The following TET2 variants were observed in gnomAD, a reference collection of about 807,000 sequenced individuals.
TET2 encodes methylcytosine dioxygenase TET2.
A neutral mutation model predicts 142.9 loss-of-function variants in TET2; 299 were observed. The ratio of observed to expected loss-of-function variants is 2.09; its 90% CI spans 1.90 to 2.30. TET2 has a LOEUF of 2.30. Among genes scored for constraint, TET2 ranks in the 30% most tolerant of loss-of-function variants. TET2 has a pLI of 0.00. For synonymous variants in TET2, 819 were observed against 849.0 expected (o/e 0.96, Z 0.61); for missense variants, 2,418 against 2,378.0 (o/e 1.02, Z -0.35).
At chr4:105,257,042 G>A (rs1412100928) in intron 6 of TET2, among the ~76,000 whole-genome samples, 2 of 152,126 alleles carry the variant, frequency 1.3e-5, no homozygotes, top group Non-Finnish European at 2.9e-5. Flanking sequence ...TCTTTGTCCA[G>A]TGGCCTAACA....
chr4:105,186,601 A>G lies in TET2; in HGVS notation c.-192-3759A>G, dbSNP rs376548719. Among the ~76,000 whole-genome samples, 14 of 149,716 alleles carry G rather than the reference A, an allele frequency of 9.4e-5. No individual in the cohort carries two copies. In the South Asian group the frequency reaches 1.5e-3, roughly 16 times the overall value. ...ATTCTCCCGCCTCAGCCTCCCCAGT[A>G]GCTGGGACTACAGGCTTGCACCACC... On this transcript the variant is annotated intron_variant, in intron 1 of 10. Coordinates refer to ENST00000380013, the MANE Select transcript of TET2 (RefSeq NM_001127208.3).
intron 1 of TET2, among the ~76,000 whole-genome samples, chr4:105,161,973 C>T (rs755968730): frequency 6.6e-6 from 1 of 151,992 alleles, no homozygotes; most frequent in Non-Finnish European, 1.5e-5. Context: ...AAGCTGAATC[C>T]TCTTTGGTAG....
chr4:105,247,271 A>G (rs1187063540), intron 6 of TET2, among the ~76,000 whole-genome samples: 4 of 152,216 alleles, frequency 2.6e-5, no homozygotes, highest in Non-Finnish European at 5.9e-5. Flanking sequence ...ATGTATTTCT[A>G]ACAGGTAAAG....
chr4:105,209,868 G>A (rs949681), intron 2 of TET2, among the ~76,000 whole-genome samples: 6,067 of 152,168 alleles, frequency 0.04, 266 homozygotes, highest in East Asian at 0.19. Context: ...TTAGAGACAA[G>A]AAGTTCATTC....
chr4:105,229,100 G>T (rs1728344650), intron 2 of TET2, among the ~76,000 whole-genome samples: 1 of 151,930 alleles, frequency 6.6e-6, no homozygotes. Context: ...GAGTATTTTT[G>T]TGTTTTTTTA....
Position 105,276,210 on chromosome 4 carries a change from C to A in TET2, c.5700C>A (p.Val1900=). ...ATCACCCCACCAGGATCTCCCTCGT[C>A]TTTTACCAGCATAAGAGCATGAATG... is the stretch of plus-strand genomic sequence containing the variant. ...NRNHPTRISL[V]FYQHKSMNEP... Residue 1900 remains valine (V), a synonymous_variant, in exon 11 of 11, where the codon GTC becomes GTA. Transcript: ENST00000380013. 6.4e-7 allele frequency: 1 copy of A among 1,551,682 alleles called. No homozygotes were observed. The highest frequency in any genetic ancestry group is 2.4e-5 in the East Asian group (1 of 40,928).
chr4:105,254,483 C>G (rs948779117), intron 6 of TET2, among the ~76,000 whole-genome samples: 3 of 152,196 alleles, frequency 2.0e-5, no homozygotes, highest in African/African-American at 7.2e-5. Flanking sequence ...ATGATCTCAG[C>G]TCACTGCAGC....
At chr4:105,187,967 A>AT (rs1317194470) in intron 1 of TET2, among the ~76,000 whole-genome samples, 2 of 152,244 alleles carry the variant, frequency 1.3e-5, no homozygotes, top group Non-Finnish European at 2.9e-5. Context: ...AAGATTAAGC[A>AT]TGGAACTACC....
At chr4:105,191,530 C>G (rs893613841) in intron 2 of TET2, among the ~76,000 whole-genome samples, 11 of 151,904 alleles carry the variant, frequency 7.2e-5, no homozygotes. Flanking sequence ...GTCTATAATC[C>G]TTTTAGTAGG....
chr4:105,217,479 C>T (rs1318536969), intron 2 of TET2, among the ~76,000 whole-genome samples: 1 of 151,984 alleles, frequency 6.6e-6, no homozygotes, highest in Non-Finnish European at 1.5e-5. Context: ...TCATATACTA[C>T]ATCTGAATTA....
chr4:105,199,742 C>A (rs1026216183), intron 2 of TET2, among the ~76,000 whole-genome samples: 1 of 152,112 alleles, frequency 6.6e-6, no homozygotes, highest in South Asian at 2.1e-4. Context: ...CCCTCTGTGT[C>A]CATATGTCCT....
intron 6 of TET2, among the ~76,000 whole-genome samples, chr4:105,251,916 A>C (rs1729886213): frequency 6.6e-6 from 1 of 152,212 alleles, no homozygotes; most frequent in African/African-American, 2.4e-5. Flanking sequence ...AGCACATTGA[A>C]TGAAAGGCAC....
chr4:105,204,748 G>T (rs1046742085), intron 2 of TET2, among the ~76,000 whole-genome samples: 9 of 151,950 alleles, frequency 5.9e-5, no homozygotes, highest in Non-Finnish European at 1.2e-4. Flanking sequence ...CTAATTTATT[G>T]GTTTAAAATA....
In TET2 at chr4:105,275,270, A is replaced by AT; in HGVS notation, c.4761dup (p.Ile1588TyrfsTer26). 1 of 1,552,282 alleles carries AT rather than the reference A, an allele frequency of 6.4e-7. No individual in the cohort carries two copies. The highest frequency in any genetic ancestry group is 8.7e-7 in the Non-Finnish European group (1 of 1,147,108). On this transcript the variant is annotated frameshift_variant, in exon 11 of 11. Transcript: ENST00000380013. LOFTEE classifies it low-confidence loss of function (END_TRUNC). ...TATCCAAACTCTTCACACACTTCAG[A>AT]TATCTATGGAAGCACCAGCCCTATG... is the stretch of plus-strand genomic sequence containing the variant.
Position 105,275,698 on chromosome 4 carries a change from G to T in TET2, c.5188G>T (p.Asp1730Tyr), listed in dbSNP as rs2110314184. The T allele has an allele frequency of 6.4e-7, 1 of 1,551,816 alleles. No individual in the cohort carries two copies. The highest frequency in any genetic ancestry group is 8.7e-7 in the Non-Finnish European group (1 of 1,147,006). The change falls in exon 11 of 11, where the codon GAT becomes TAT. Residue 1730 changes from aspartate (D) to tyrosine (Y), a missense_variant. Coordinates refer to ENST00000380013, the MANE Select transcript of TET2 (RefSeq NM_001127208.3). ...GCCTCCTTATCCCACTCATGAGATG[G>T]ATGGCCACTTCATGGGAGCCACCTC... is the stretch of plus-strand genomic sequence containing the variant. ...KLPPYPTHEM[D>Y]GHFMGATSRL...
chr4:105,276,847 C>G lies in TET2; in HGVS notation c.*328C>G, dbSNP rs1047217949. 19 of 221,892 alleles carry G rather than the reference C, an allele frequency of 8.6e-5. 1 individual carries two copies. The highest frequency in any genetic ancestry group is 2.0e-4 in the East Asian group (3 of 15,030). 13.7% of individuals were successfully genotyped at this position (221,892 alleles called of 1,614,324 possible). On this transcript the variant is annotated 3_prime_UTR_variant, in exon 11 of 11. Transcript: ENST00000380013. ...TGATATGTAAATGTGATCCCCCCCC[C>G]CCGCTTACAACTCTACACATCTGTG...
chr4:105,254,724 C>G (rs1458549270), intron 6 of TET2, among the ~76,000 whole-genome samples: 2 of 152,102 alleles, frequency 1.3e-5, no homozygotes. Context: ...GATGGCAGAA[C>G]TTTTTAGGAA....
intron 1 of TET2, among the ~76,000 whole-genome samples, chr4:105,157,865 C>T (rs1256303614): frequency 6.6e-6 from 1 of 151,982 alleles, no homozygotes. Context: ...TTAGTAGAAA[C>T]AGCGTTTCGC....
At chr4:105,241,719 C>T in intron 4 of TET2, 2 of 1,268,540 alleles carry the variant, frequency 1.6e-6, no homozygotes, top group Admixed American at 3.9e-5. Context: ...CCACAAGGTA[C>T]TGGCACAGGC....
Sources: gnomAD v4.1 joint callset for allele counts (sites outside exome capture counted in the v4.1 genomes callset) on GRCh38, gnomAD v4.1.1 for gene constraint, MANE v1.5 for transcripts, NCBI Gene and HGNC (gene_info 2026-07-23, HGNC 2026-07-21) for gene names.